The following DLC1 variants were observed in gnomAD, a reference collection of about 807,000 sequenced individuals.
DLC1 encodes DLC1 Rho GTPase activating protein, also known as rho GTPase-activating protein 7.
In DLC1, 54 loss-of-function variants were observed where a neutral mutation model predicts 140.3. The observed-to-expected ratio is 0.38, with a 90% CI of 0.31 to 0.48. The LOEUF is 0.48. Among genes scored for constraint, DLC1 ranks in the 20% least tolerant of loss-of-function variants. DLC1 has a pLI of 0.96. For synonymous variants in DLC1, 986 were observed against 728.1 expected, an observed-to-expected ratio of 1.35 and a Z score of -5.70; for missense variants, 2,536 against 1,907.0, an observed-to-expected ratio of 1.33 and a Z score of -6.14.
intron 1 of DLC1, among the ~76,000 whole-genome samples, chr8:13,599,700 C>T (rs1218837484): frequency 6.6e-6 from 1 of 151,798 alleles, no homozygotes; most frequent in Admixed American, 6.6e-5. Context: ...TTGGAAGACT[C>T]AATATTGTAA....
At chr8:13,179,554 C>T (rs1825928078) in intron 5 of DLC1, among the ~76,000 whole-genome samples, 1 of 151,826 alleles carries the variant, frequency 6.6e-6, no homozygotes, top group African/African-American at 2.4e-5. Flanking sequence ...AACCCTGCCT[C>T]AACAAAAAAT....
In DLC1 at chr8:13,499,665, G is replaced by A; in HGVS notation, c.407C>T (p.Ser136Leu). 6.2e-7 allele frequency: 1 copy of A among 1,614,136 alleles called. No homozygotes were observed. The highest frequency in any genetic ancestry group is 8.5e-7 in the Non-Finnish European group (1 of 1,180,006). Residue 136 changes from serine to leucine, a missense_variant, in exon 2 of 18, where the codon TCA (serine) becomes TTA (leucine). Physicochemically the swap from Ser to Leu is moderately radical, Grantham distance 145 (BLOSUM62 -2). Transcript: ENST00000276297. ...TGCTCCTTGGATCATATGTTGGCCTGATGTTTTCTGCCCTTGGGTATTTAA... is the reference window on the plus strand; with the variant it reads ...TGCTCCTTGGATCATATGTTGGCCTAATGTTTTCTGCCCTTGGGTATTTAA... ...QVLNTQGQKT[S>L]GQHMIQGAGS...
At chr8:13,343,560 T>G (rs75049570) in intron 4 of DLC1, among the ~76,000 whole-genome samples, 9,768 of 152,322 alleles carry the variant, frequency 0.064, 440 homozygotes, top group African/African-American at 0.12. Context: ...TATATGATTT[T>G]TAAACATGTT....
At chr8:13,551,315 G>C (rs1301510409) in intron 1 of DLC1, among the ~76,000 whole-genome samples, 2 of 151,758 alleles carry the variant, frequency 1.3e-5, no homozygotes, top group African/African-American at 4.8e-5. Flanking sequence ...CATATCTCTG[G>C]GAGTACATAA....
intron 2 of DLC1, among the ~76,000 whole-genome samples, chr8:13,446,778 TA>T (rs1798792982): frequency 6.6e-6 from 1 of 152,012 alleles, no homozygotes; most frequent in Non-Finnish European, 1.5e-5. Flanking sequence ...CTGTCTCTAT[TA>T]AAAATACAAA....
chr8:13,293,898 C>T (rs1482616393), intron 5 of DLC1, among the ~76,000 whole-genome samples: 1 of 152,042 alleles, frequency 6.6e-6, no homozygotes, highest in East Asian at 1.9e-4. Flanking sequence ...ATCTAATTAG[C>T]AATAGTAAAA....
chr8:13,112,715 T>C (rs767637440), intron 6 of DLC1, among the ~76,000 whole-genome samples: 1 of 152,210 alleles, frequency 6.6e-6, no homozygotes, highest in Non-Finnish European at 1.5e-5. Flanking sequence ...TTGTTTGTTT[T>C]CAAATTTTTT....
rs532319405 is a variant in DLC1 at position 13,114,191 on chromosome 8, G to A, written c.1420+1395C>T. On this transcript the variant is annotated intron_variant, in intron 6 of 17. Transcript: ENST00000276297. ...AGCTTGGCCAACATGGTAAAACCCC[G>A]GCTCTACTAAAAACACAAAAATTGG... 2.6e-5 allele frequency among the ~76,000 whole-genome samples: 4 copies of A among 152,194 alleles called. No individual in the cohort carries two copies. The East Asian group carries it at 7.7e-4, about 29-fold the overall frequency.
At chr8:13,535,858 A>G (rs780099332) in intron 1 of DLC1, among the ~76,000 whole-genome samples, 11 of 152,074 alleles carry the variant, frequency 7.2e-5, no homozygotes, top group Non-Finnish European at 1.0e-4. Flanking sequence ...AGTATCCTAT[A>G]TAGTTCCTTT....
intron 4 of DLC1, among the ~76,000 whole-genome samples, chr8:13,357,050 C>G (rs1470177282): frequency 6.6e-6 from 1 of 152,030 alleles, no homozygotes; most frequent in African/African-American, 2.4e-5. Context: ...AGGCGGATCA[C>G]TTGAGGCCAG....
chr8:13,143,842 G>GAGAGAGAGAGAGAGAC (rs1186637665), intron 5 of DLC1, among the ~76,000 whole-genome samples: 13 of 146,248 alleles, frequency 8.9e-5, no homozygotes, highest in Non-Finnish European at 1.5e-4. Flanking sequence ...GAGAGAGAGA[G>GAGAGAGAGAGAGAGAC]AGAGAGAGAG....
chr8:13,477,086 G>C (rs1800465140), intron 2 of DLC1, among the ~76,000 whole-genome samples: 1 of 152,174 alleles, frequency 6.6e-6, no homozygotes, highest in Non-Finnish European at 1.5e-5. Context: ...CTGCTAGACA[G>C]CTTCCTATTT....
In DLC1 at chr8:13,099,821, C is replaced by T. The variant is rs756928453; in HGVS notation, c.2516G>A (p.Arg839Lys). The T allele has an allele frequency of 2.1e-5, 34 of 1,614,078 alleles. No individual in the cohort carries two copies. The highest frequency in any genetic ancestry group is 4.5e-5 in the East Asian group (2 of 44,874). ...GCCAGGGCCGTGGAAGCTTCCCGTC[C>T]TCCAGTTCACAGAGCCGTTATTCCC... ...PSGNNGSVNW[R>K]TGSFHGPGHI... Residue 839 changes from arginine to lysine, a missense_variant, in exon 9 of 18, where the codon AGG becomes AAG. Physicochemically the swap from Arg to Lys is conservative, Grantham distance 26. Transcript: ENST00000276297.
chr8:13,470,628 G>A (rs561433265), intron 2 of DLC1, among the ~76,000 whole-genome samples: 1 of 152,256 alleles, frequency 6.6e-6, no homozygotes, highest in Admixed American at 6.5e-5. Context: ...GTGGAGAAAA[G>A]GAAACTTTTG....
chr8:13,402,486 G>C (rs917886163), intron 2 of DLC1, among the ~76,000 whole-genome samples: 3 of 152,184 alleles, frequency 2.0e-5, no homozygotes, highest in Non-Finnish European at 2.9e-5. Flanking sequence ...GCACAGTTAG[G>C]TTCTTCAAAA....
At chr8:13,366,597 G>C (rs1488472895) in intron 4 of DLC1, among the ~76,000 whole-genome samples, 1 of 152,192 alleles carries the variant, frequency 6.6e-6, no homozygotes, top group Non-Finnish European at 1.5e-5. Context: ...CCCAAGTTCA[G>C]ACAAGAAGTT....
At chr8:13,545,109 G>T (rs887887012) in intron 1 of DLC1, among the ~76,000 whole-genome samples, 1 of 151,890 alleles carries the variant, frequency 6.6e-6, no homozygotes, top group African/African-American at 2.4e-5. Flanking sequence ...AATTAACTAT[G>T]AATAAATACA....
intron 5 of DLC1, among the ~76,000 whole-genome samples, chr8:13,259,334 C>A (rs1045568787): frequency 1.3e-5 from 2 of 151,966 alleles, no homozygotes; most frequent in African/African-American, 2.4e-5. Flanking sequence ...TCATAATGAA[C>A]CACAGTGATT....
intron 5 of DLC1, among the ~76,000 whole-genome samples, chr8:13,222,483 A>C (rs965546997): frequency 1.3e-5 from 2 of 152,000 alleles, no homozygotes; most frequent in African/African-American, 4.8e-5. Context: ...TTTTCTTTTG[A>C]TTTTCCTCTT....
Sources: allele counts gnomAD v4.1 joint callset (sites outside exome capture counted in the v4.1 genomes callset), GRCh38; gene constraint gnomAD v4.1.1; transcripts MANE v1.5; gene names NCBI Gene and HGNC (gene_info 2026-07-23, HGNC 2026-07-21).